Variants in IFT74 observed in about 807,000 individuals in gnomAD.
The protein encoded by IFT74 is intraflagellar transport 74.
Under a neutral mutation model 96.7 loss-of-function variants are expected in IFT74, and 92 were observed. The observed-to-expected ratio is 0.95, with a 90% confidence interval of 0.80 to 1.13. The LOEUF is 1.13. Among genes scored for constraint, IFT74 ranks in the 50% most tolerant of loss-of-function variants. The pLI, the probability that IFT74 is intolerant of heterozygous loss-of-function variation, is 0.00. For missense variants in IFT74, 811 were observed against 698.2 expected, an observed-to-expected ratio of 1.16 and a Z score of -1.82; for synonymous variants, 223 against 213.2, an observed-to-expected ratio of 1.05 and a Z score of -0.40.
chr9:27,026,423 A>C (rs1587376396), intron 12 of IFT74, among the ~76,000 whole-genome samples: 3 of 152,312 alleles, frequency 2.0e-5, no homozygotes, highest in Admixed American at 6.5e-5. Context: ...TAGACGGGTC[A>C]GAAAGTCAAC....
At chr9:27,021,486 CCAA>C in intron 12 of IFT74, among the ~76,000 whole-genome samples, 1 of 152,258 alleles carries the variant, frequency 6.6e-6, no homozygotes, top group East Asian at 1.9e-4. Context: ...CACATCCACA[CCAA>C]CATCTATTTT....
chr9:26,952,054 C>T (rs1825951353), upstream of IFT74, among the ~76,000 whole-genome samples: 1 of 152,132 alleles, frequency 6.6e-6, no homozygotes, highest in African/African-American at 2.4e-5. Context: ...TTTTGGTGCC[C>T]AAAGAGGAGA....
intron 12 of IFT74, among the ~76,000 whole-genome samples, chr9:27,027,136 A>G (rs529755722): frequency 1.3e-5 from 2 of 152,276 alleles, no homozygotes; most frequent in East Asian, 1.9e-4. Context: ...AAAATGGGAG[A>G]TACTACAACC....
intron 2 of IFT74, among the ~76,000 whole-genome samples, chr9:26,973,125 C>T (rs1209923945): frequency 2.6e-5 from 4 of 152,160 alleles, no homozygotes; most frequent in Non-Finnish European, 1.5e-5. Flanking sequence ...TATCCTCAGC[C>T]AAGGGGCATG....
At chr9:26,948,108 A>G (rs1186029179) in intron 1 of IFT74, among the ~76,000 whole-genome samples, 1 of 152,134 alleles carries the variant, frequency 6.6e-6, no homozygotes, top group Non-Finnish European at 1.5e-5. Flanking sequence ...CTCCTACTCT[A>G]GGTTTGGAAT....
chr9:26,952,995 G>T (rs755663858), upstream of IFT74, among the ~76,000 whole-genome samples: 84 of 152,176 alleles, frequency 5.5e-4, no homozygotes, highest in Middle Eastern at 3.2e-3. Context: ...GGAAAATGGT[G>T]GGGGAGAAAC....
chr9:26,952,117 G>T (rs1825953347), upstream of IFT74, among the ~76,000 whole-genome samples: 1 of 152,064 alleles, frequency 6.6e-6, no homozygotes, highest in African/African-American at 2.4e-5. Flanking sequence ...TTGGCTTTTA[G>T]TGAGTTTTTT....
chr9:27,023,326 A>G (rs1375329228), intron 12 of IFT74, among the ~76,000 whole-genome samples: 4 of 152,150 alleles, frequency 2.6e-5, no homozygotes, highest in African/African-American at 9.7e-5. Flanking sequence ...ACCTTAAGAT[A>G]TGTCTCTTCT....
intron 14 of IFT74, 150 bp downstream of exon 14, chr9:27,044,945 C>A: frequency 1.9e-6 from 1 of 539,714 alleles, no homozygotes; most frequent in Non-Finnish European, 3.3e-6. Flanking sequence ...AGAATAGTTT[C>A]TAGCATAATT....
chr9:27,001,131 G>T (rs1828460990), intron 8 of IFT74, among the ~76,000 whole-genome samples: 1 of 152,056 alleles, frequency 6.6e-6, no homozygotes, highest in African/African-American at 2.4e-5. Context: ...GCAAATGACA[G>T]GATTTCATTT....
chr9:27,014,907 C>A (rs994028693), intron 10 of IFT74, among the ~76,000 whole-genome samples: 1 of 152,152 alleles, frequency 6.6e-6, no homozygotes, highest in African/African-American at 2.4e-5. Context: ...ACGCCCAGCC[C>A]AGATTTCTTT....
At chr9:26,995,580 CA>C in intron 8 of IFT74, 1 of 1,599,916 alleles carries the variant, frequency 6.3e-7, no homozygotes, top group Non-Finnish European at 8.6e-7. Flanking sequence ...AATCCATCAT[CA>C]TCTACCACAA....
intron 16 of IFT74, 116 bp from the exon 17 acceptor site, chr9:27,055,493 T>C: frequency 1.4e-6 from 1 of 693,898 alleles, no homozygotes; most frequent in Non-Finnish European, 2.3e-6. Flanking sequence ...ACAGTGAACA[T>C]ATATTTCTTT....
At chr9:27,047,565 GC>G (rs1206714748) in intron 15 of IFT74, among the ~76,000 whole-genome samples, 194 bp downstream of exon 15, 3 of 151,964 alleles carry the variant, frequency 2.0e-5, no homozygotes, top group Non-Finnish European at 4.4e-5. Flanking sequence ...GGTAATTAGG[GC>G]AATAGAGAAA....
At chr9:26,998,885 T>G (rs994065435) in intron 8 of IFT74, among the ~76,000 whole-genome samples, 11 of 151,176 alleles carry the variant, frequency 7.3e-5, no homozygotes, top group Non-Finnish European at 1.3e-4. Flanking sequence ...TCCCAGCTAC[T>G]TGGGAGGCTG....
intron 8 of IFT74, chr9:26,999,840 C>T: frequency 1.9e-6 from 1 of 528,320 alleles, no homozygotes; most frequent in Non-Finnish European, 3.2e-6. Context: ...GGCATGGTCA[C>T]AGCTCACTGC....
intron 7 of IFT74, among the ~76,000 whole-genome samples, chr9:26,989,091 C>T (rs1827760075): frequency 6.6e-6 from 1 of 152,132 alleles, no homozygotes; most frequent in Non-Finnish European, 1.5e-5. Context: ...GATAACTTTA[C>T]ATAGTTTTTG....
chr9:26,981,120 G>A (rs556996191), intron 4 of IFT74, among the ~76,000 whole-genome samples: 28 of 152,260 alleles, frequency 1.8e-4, no homozygotes, highest in African/African-American at 6.0e-4. Flanking sequence ...TCCCATCCAT[G>A]AGGGCAGAGT....
intron 17 of IFT74, 32 bp downstream of exon 17, chr9:27,055,804 A>G: frequency 1.4e-6 from 2 of 1,380,592 alleles, no homozygotes; most frequent in East Asian, 2.7e-5. Flanking sequence ...CAGAATTACA[A>G]TTCAGATTGT....
Sources: gnomAD v4.1 joint callset for allele counts (sites outside exome capture counted in the v4.1 genomes callset) on GRCh38, gnomAD v4.1.1 for gene constraint, MANE v1.5 for transcripts, NCBI Gene and HGNC (gene_info 2026-07-23, HGNC 2026-07-21) for gene names.